The following PCM1 variants were observed in gnomAD, a reference collection of about 807,000 sequenced individuals.
PCM1 encodes the protein pericentriolar material 1 protein.
Under a neutral mutation model 241.9 loss-of-function variants are expected in PCM1, and 157 were observed. The ratio of observed to expected loss-of-function variants is 0.65; its 90% CI spans 0.57 to 0.74. PCM1 has a LOEUF of 0.74. PCM1 is among the 30% of genes least tolerant of loss of function. PCM1 has a pLI of 0.00. For synonymous variants in PCM1, 1,085 were observed against 784.9 expected (o/e 1.38, Z -6.39); for missense variants, 3,478 against 2,360.1 (o/e 1.47, Z -9.81).
chr8:17,978,585 A>G (rs1253908097), intron 23 of PCM1, among the ~76,000 whole-genome samples: 1 of 152,128 alleles, frequency 6.6e-6, no homozygotes, highest in Non-Finnish European at 1.5e-5. Flanking sequence ...CAGTTGACAA[A>G]GAACTGCAAC....
chr8:17,979,529 CATA>C (rs2079964050), intron 23 of PCM1, among the ~76,000 whole-genome samples: 1 of 152,260 alleles, frequency 6.6e-6, no homozygotes, highest in African/African-American at 2.4e-5. Context: ...ACGCTCTTCT[CATA>C]GTAGTACTCT....
chr8:17,960,493 C>T (rs771623507), intron 15 of PCM1, 49 bp downstream of exon 15: 4 of 1,445,356 alleles, frequency 2.8e-6, no homozygotes, highest in Non-Finnish European at 2.8e-6. Context: ...TGTTTAAAAC[C>T]TTAGGTCAAC....
intron 2 of PCM1, among the ~76,000 whole-genome samples, chr8:17,932,086 C>T (rs186522757): frequency 8.6e-5 from 13 of 151,936 alleles, no homozygotes; most frequent in Non-Finnish European, 1.3e-4. Flanking sequence ...CATGATACAC[C>T]GACAGGTTAT....
chr8:17,964,809 C>G (rs746649847), intron 18 of PCM1, 41 bp downstream of exon 18: 7 of 1,490,380 alleles, frequency 4.7e-6, no homozygotes, highest in South Asian at 1.1e-5. Context: ...ATTTAAGAGG[C>G]TCAGGTCTTT....
At chr8:17,975,077 T>C (rs17126042) in intron 23 of PCM1, among the ~76,000 whole-genome samples, 1,921 of 152,292 alleles carry the variant, frequency 0.013, 41 homozygotes, top group African/African-American at 0.044. Context: ...TAAATCAGTA[T>C]GTATTTTTCT....
At chr8:17,945,414 T>G (rs1292673345) in intron 6 of PCM1, among the ~76,000 whole-genome samples, 1 of 152,146 alleles carries the variant, frequency 6.6e-6, no homozygotes, top group Non-Finnish European at 1.5e-5. Flanking sequence ...GGTAGGCTAT[T>G]TGTTTCCCAT....
chr8:17,963,311 C>G lies in PCM1; in HGVS notation c.2654+20C>G. On this transcript the variant is annotated intron_variant, in intron 17 of 38. Transcript: ENST00000325083. Reference sequence around the variant, plus strand: ...AGAAAAGTAAGAGAGCTGCATAAATCACTTTTCTAAAAATGTCACCTGCCG... The same window carrying G: ...AGAAAAGTAAGAGAGCTGCATAAATGACTTTTCTAAAAATGTCACCTGCCG... The G allele has an allele frequency of 6.4e-7, 1 of 1,553,078 alleles. No homozygotes were observed.
chr8:18,008,464 A>G (rs1034262837), intron 30 of PCM1, among the ~76,000 whole-genome samples: 3 of 152,080 alleles, frequency 2.0e-5, no homozygotes, highest in African/African-American at 7.2e-5. Flanking sequence ...GGGCACAGTC[A>G]GTCAATGTAA....
At chr8:17,931,382 G>A (rs984523045) in intron 2 of PCM1, among the ~76,000 whole-genome samples, 9 of 151,762 alleles carry the variant, frequency 5.9e-5, no homozygotes, top group Middle Eastern at 3.2e-3. Context: ...TCTGCCTCCC[G>A]GGTTCAATTG....
At chr8:17,942,648 C>T (rs1368817348) in intron 6 of PCM1, among the ~76,000 whole-genome samples, 2 of 151,622 alleles carry the variant, frequency 1.3e-5, no homozygotes, top group Admixed American at 6.6e-5. Flanking sequence ...CCATGATTTG[C>T]ATAATGGCAT....
At chr8:17,967,687 A>C (rs73571767) in intron 21 of PCM1, among the ~76,000 whole-genome samples, 7 of 152,206 alleles carry the variant, frequency 4.6e-5, no homozygotes, top group African/African-American at 7.2e-5. Context: ...TGATTGCTTC[A>C]ACTATTTATT....
intron 2 of PCM1, among the ~76,000 whole-genome samples, chr8:17,929,286 CT>C (rs1188915010): frequency 6.6e-6 from 1 of 152,178 alleles, no homozygotes; most frequent in Non-Finnish European, 1.5e-5. Context: ...GGTTTCCCTC[CT>C]GTCTTTCTGT....
In PCM1 at chr8:18,014,623, A is replaced by T; in HGVS notation, c.5624A>T (p.Asn1875Ile). Residue 1875 changes from asparagine to isoleucine, a missense_variant, in exon 36 of 39, where the codon AAT becomes ATT. Coordinates refer to ENST00000325083, the MANE Select transcript of PCM1 (RefSeq NM_006197.4). Reference sequence around the variant, plus strand: ...TGTCCTGTGAAACCCTGTTACCTCAATATCTTGGAAGATGAGCAACCTTTA... The same window carrying T: ...TGTCCTGTGAAACCCTGTTACCTCATTATCTTGGAAGATGAGCAACCTTTA... The part of the protein sequence containing the change: ...NNCPVKPCYL[N>I]ILEDEQPLNS... 1 of 1,612,930 alleles carries T rather than the reference A, an allele frequency of 6.2e-7. No individual in the cohort carries two copies. The highest frequency in any genetic ancestry group is 2.2e-5 in the East Asian group (1 of 44,852).
chr8:17,939,208 A>G (rs1164296788), intron 5 of PCM1, among the ~76,000 whole-genome samples, 199 bp downstream of exon 5: 2 of 152,228 alleles, frequency 1.3e-5, no homozygotes, highest in Non-Finnish European at 2.9e-5. Context: ...TAGAAATGGC[A>G]TATTCAGGTT....
chr8:17,966,237 G>A lies in PCM1; in HGVS notation c.3075+19G>A, dbSNP rs747218605. 1.2e-6 allele frequency: 2 copies of A among 1,609,914 alleles called. No homozygotes were observed. The highest frequency in any genetic ancestry group is 1.7e-6 in the Non-Finnish European group (2 of 1,176,754). On this transcript the variant is annotated intron_variant, in intron 19 of 38. Coordinates refer to ENST00000325083, the MANE Select transcript of PCM1 (RefSeq NM_006197.4). Reference sequence around the variant, plus strand: ...CCAGCAGGTAAAATTTGCTATGAAAGTATATTTTTCGTCTATTTTTATAAC... The same window carrying A: ...CCAGCAGGTAAAATTTGCTATGAAAATATATTTTTCGTCTATTTTTATAAC...
intron 1 of PCM1, among the ~76,000 whole-genome samples, chr8:17,924,240 A>G (rs145159658): frequency 6.8e-4 from 104 of 152,316 alleles, no homozygotes; most frequent in African/African-American, 2.3e-3. Context: ...GAACACCAAT[A>G]TAATACAGAG....
chr8:17,964,192 A>G (rs937914525), intron 17 of PCM1, among the ~76,000 whole-genome samples: 1 of 152,166 alleles, frequency 6.6e-6, no homozygotes, highest in Non-Finnish European at 1.5e-5. Context: ...AGCCATGTGT[A>G]CCTAGTGTCT....
At chr8:18,014,068 GATAATTTCCTTT>G in intron 35 of PCM1, 32 bp downstream of exon 35, 4 of 1,068,850 alleles carry the variant, frequency 3.7e-6, no homozygotes, top group Non-Finnish European at 5.3e-6. Context: ...TTGATTTTAA[GATAATTTCCTTT>G]ATTTGCTTTA....
In PCM1 at chr8:17,957,625, G is replaced by C. The variant is rs1044337871; in HGVS notation, c.1890G>C (p.Glu630Asp). Residue 630 changes from glutamate to aspartate, a missense_variant, in exon 13 of 39, where the codon GAG (glutamate) becomes GAC (aspartate). Glu to Asp is a conservative substitution (Grantham distance 45). Transcript: ENST00000325083. ...AGGAGGAGGAGGAAGAAGCAGAAGAGGAGGGAGTCAGTGGAGCTTCATTAT... is the reference window on the plus strand; with the variant it reads ...AGGAGGAGGAGGAAGAAGCAGAAGACGAGGGAGTCAGTGGAGCTTCATTAT... The part of the protein sequence containing the change: ...DDEEEEEEAE[E>D]EGVSGASLSS... 5 of 1,583,708 alleles carry C rather than the reference G, an allele frequency of 3.2e-6. No homozygotes were observed. The highest frequency in any genetic ancestry group is 2.3e-5 in the East Asian group (1 of 43,432).
Sources: gnomAD v4.1 joint callset for allele counts (sites outside exome capture counted in the v4.1 genomes callset) on GRCh38, gnomAD v4.1.1 for gene constraint, MANE v1.5 for transcripts, NCBI Gene and HGNC (gene_info 2026-07-23, HGNC 2026-07-21) for gene names.